The following UTRN variants were observed in gnomAD, a reference collection of about 807,000 sequenced individuals.
UTRN encodes the protein dystrophin-related protein 1.
UTRN carries 283 observed loss-of-function variants against 463.9 expected under a neutral mutation model. The observed-to-expected ratio is 0.61, with a 90% CI of 0.55 to 0.67. UTRN has a LOEUF of 0.67. Ranked by LOEUF, UTRN falls within the 30% of genes least tolerant of loss-of-function variation. The pLI is 0.00. For missense variants in UTRN, 3,922 were observed against 4,084.3 expected, an observed-to-expected ratio of 0.96 and a Z score of 1.08; for synonymous variants, 1,442 against 1,431.5, an observed-to-expected ratio of 1.01 and a Z score of -0.17.
intron 3 of UTRN, among the ~76,000 whole-genome samples, chr6:144,408,104 A>G (rs1037059447): frequency 2.0e-5 from 3 of 152,206 alleles, no homozygotes; most frequent in African/African-American, 7.2e-5. Flanking sequence ...TGAGAAGTGT[A>G]TAGGAGATGA....
At chr6:144,676,589 A>C (rs891739660) in intron 51 of UTRN, among the ~76,000 whole-genome samples, 3 of 151,560 alleles carry the variant, frequency 2.0e-5, no homozygotes, top group Admixed American at 6.6e-5. Context: ...GGTTTGTTAC[A>C]TAGGTATACA....
At chr6:144,755,186 C>A (rs980221185) in intron 57 of UTRN, among the ~76,000 whole-genome samples, 1 of 151,960 alleles carries the variant, frequency 6.6e-6, no homozygotes, top group Non-Finnish European at 1.5e-5. Context: ...TTAAAACACA[C>A]CTTCAACTTT....
intron 51 of UTRN, among the ~76,000 whole-genome samples, chr6:144,612,070 C>G (rs1175908761): frequency 6.6e-6 from 1 of 152,090 alleles, no homozygotes; most frequent in African/African-American, 2.4e-5. Context: ...AATAAACCCA[C>G]ACATTTATAG....
chr6:144,730,588 T>G lies in UTRN; in HGVS notation c.7939+102T>G, dbSNP rs1180659038. ...CCTTACAGCATTTTAGGATCTAATA[T>G]TTAAATCTTTTCTTCTAAGTGTTAC... On this transcript the variant is annotated intron_variant, in intron 54 of 74. Coordinates refer to ENST00000367545, the MANE Select transcript of UTRN (RefSeq NM_007124.3). The G allele has an allele frequency of 2.4e-6, 3 of 1,266,296 alleles. No individual in the cohort carries two copies. The Admixed American group carries it at 1.1e-4, about 44-fold the overall frequency. The allele number at this position is 1,266,296 out of a possible 1,614,324, so 78.4% of individuals were successfully genotyped here.
chr6:144,647,028 C>A (rs1259467600), intron 51 of UTRN, among the ~76,000 whole-genome samples: 3 of 152,086 alleles, frequency 2.0e-5, no homozygotes, highest in Admixed American at 6.6e-5. Flanking sequence ...CTCCCTTCAT[C>A]CTAATTCCAG....
intron 2 of UTRN, among the ~76,000 whole-genome samples, chr6:144,298,183 GC>G (rs1804903516): frequency 6.6e-6 from 1 of 151,944 alleles, no homozygotes; most frequent in South Asian, 2.1e-4. Context: ...CTTTTTATAT[GC>G]CTTAACTGTT....
chr6:144,819,911 C>CCTCCTCCTGT (rs11397588), intron 65 of UTRN, among the ~76,000 whole-genome samples: 105 of 118,632 alleles, frequency 8.9e-4, no homozygotes, highest in East Asian at 8.3e-3. Context: ...TCCTCCTCCT[C>CCTCCTCCTGT]CTCTCTCTCT....
intron 41 of UTRN, among the ~76,000 whole-genome samples, chr6:144,528,918 C>G (rs933765792): frequency 6.6e-5 from 10 of 152,314 alleles, no homozygotes; most frequent in African/African-American, 2.2e-4. Flanking sequence ...GAAAGACCAT[C>G]AGGTTGGGCA....
chr6:144,604,725 C>A (rs1371422838), intron 51 of UTRN, among the ~76,000 whole-genome samples: 1 of 151,914 alleles, frequency 6.6e-6, no homozygotes, highest in East Asian at 1.9e-4. Context: ...ACCAGCCTGG[C>A]CAACATGGTG....
chr6:144,562,938 A>G (rs1054095593), intron 50 of UTRN, among the ~76,000 whole-genome samples: 1 of 152,130 alleles, frequency 6.6e-6, no homozygotes, highest in African/African-American at 2.4e-5. Context: ...TTTGATCTGC[A>G]TTTCTCTAAT....
At chr6:144,340,665 T>C (rs1777075099) in intron 2 of UTRN, among the ~76,000 whole-genome samples, 1 of 152,210 alleles carries the variant, frequency 6.6e-6, no homozygotes, top group African/African-American at 2.4e-5. Context: ...CAAAATTTGA[T>C]TACTGCTGTC....
At position 144,499,436 on chromosome 6, in the gene UTRN, C is replaced by T; in HGVS notation, c.4764+9C>T. 6.3e-7 allele frequency: 1 copy of T among 1,596,890 alleles called. No individual in the cohort carries two copies. The highest frequency in any genetic ancestry group is 8.6e-7 in the Non-Finnish European group (1 of 1,167,128). On this transcript the variant is annotated intron_variant, in intron 34 of 74. Coordinates refer to ENST00000367545, the MANE Select transcript of UTRN (RefSeq NM_007124.3). The stretch of plus-strand genomic sequence containing the variant: ...AAATTTCCTGGGCTAAAGTAAGTTG[C>T]AGTTCAGATGAAACACCAGCATGAT...
intron 2 of UTRN, among the ~76,000 whole-genome samples, chr6:144,395,893 G>A (rs547803203): frequency 2.0e-5 from 3 of 152,198 alleles, no homozygotes; most frequent in African/African-American, 4.8e-5. Context: ...ATATTAGTGA[G>A]GATATGGAGA....
At chr6:144,423,432 C>T in intron 4 of UTRN, 117 bp from the exon 5 acceptor site, 3 of 992,606 alleles carry the variant, frequency 3.0e-6, no homozygotes, top group Non-Finnish European at 4.6e-6. Context: ...GCCAGATCTC[C>T]TGCCTCTGAG....
intron 53 of UTRN, among the ~76,000 whole-genome samples, chr6:144,724,941 G>A (rs111229505): frequency 5.3e-5 from 8 of 151,842 alleles, no homozygotes; most frequent in African/African-American, 9.7e-5. Context: ...CTTTTTCTTC[G>A]GTATATACCT....
chr6:144,685,833 G>A (rs114733347), intron 52 of UTRN, among the ~76,000 whole-genome samples: 1,651 of 152,206 alleles, frequency 0.011, 34 homozygotes, highest in African/African-American at 0.037. Flanking sequence ...CTCTCATTCT[G>A]TGGGTTGTTT....
chr6:144,634,599 C>T (rs1776901806), intron 51 of UTRN, among the ~76,000 whole-genome samples: 2 of 152,254 alleles, frequency 1.3e-5, no homozygotes, highest in Non-Finnish European at 2.9e-5. Flanking sequence ...GTAATGTACC[C>T]ATTGAAATTG....
intron 2 of UTRN, among the ~76,000 whole-genome samples, chr6:144,303,088 T>C (rs907165780): frequency 3.3e-5 from 5 of 152,134 alleles, no homozygotes; most frequent in African/African-American, 1.2e-4. Flanking sequence ...AAAGATAGAT[T>C]TGGAAGGTAG....
At chr6:144,703,944 T>G (rs948328668) in intron 53 of UTRN, among the ~76,000 whole-genome samples, 6 of 152,190 alleles carry the variant, frequency 3.9e-5, no homozygotes, top group African/African-American at 1.4e-4. Flanking sequence ...AATATTATTT[T>G]ATTATTCAGC....
Sources: allele counts gnomAD v4.1 joint callset (sites outside exome capture counted in the v4.1 genomes callset), GRCh38; gene constraint gnomAD v4.1.1; transcripts MANE v1.5; gene names NCBI Gene and HGNC (gene_info 2026-07-23, HGNC 2026-07-21).